The following YAE1 variants were observed in gnomAD, a reference collection of about 807,000 sequenced individuals.
The protein encoded by YAE1 is protein YAE1 homolog.
YAE1 carries 22 observed loss-of-function variants against 23.0 expected under a neutral mutation model. The ratio of observed to expected loss-of-function variants is 0.96; its 90% CI spans 0.68 to 1.37. The LOEUF is 1.37. Ranked by LOEUF, YAE1 falls within the 40% of genes most tolerant of loss-of-function variation. The pLI, the probability that YAE1 is intolerant of heterozygous loss-of-function variation, is 0.00. For missense variants in YAE1, 260 were observed against 262.1 expected, an observed-to-expected ratio of 0.99 and a Z score of 0.06; for synonymous variants, 101 against 97.0, an observed-to-expected ratio of 1.04 and a Z score of -0.24.
At chr7:39,595,375 T>C (rs761062812) in intron 2 of YAE1, among the ~76,000 whole-genome samples, 18 of 152,028 alleles carry the variant, frequency 1.2e-4, no homozygotes, top group Non-Finnish European at 2.2e-4. Flanking sequence ...TGAGTTCACA[T>C]CCAGTGTCAT....
chr7:39,570,806 C>T (rs1790553060), intron 2 of YAE1, 179 bp downstream of exon 2: 2 of 689,854 alleles, frequency 2.9e-6, no homozygotes, highest in Non-Finnish European at 4.5e-6. Flanking sequence ...AGCTCATCTA[C>T]TTTAATGTGT....
intron 1 of YAE1, 85 bp downstream of exon 1, chr7:39,566,632 G>T: frequency 6.4e-7 from 1 of 1,559,036 alleles, no homozygotes; most frequent in Non-Finnish European, 8.7e-7. Flanking sequence ...AGTGGCCCCA[G>T]CCTGGCCCGG....
chr7:39,599,772 C>T (rs149628043), intron 2 of YAE1, among the ~76,000 whole-genome samples: 2,798 of 151,696 alleles, frequency 0.018, 103 homozygotes, highest in African/African-American at 0.062. Flanking sequence ...CTCCCTCTGT[C>T]GTCCAGGCTG....
intron 2 of YAE1, among the ~76,000 whole-genome samples, chr7:39,606,853 A>T (rs988975855): frequency 6.6e-6 from 1 of 152,234 alleles, no homozygotes; most frequent in Non-Finnish European, 1.5e-5. Context: ...ATTGAGCTTT[A>T]AAAATATATA....
downstream of YAE1, among the ~76,000 whole-genome samples, chr7:39,577,175 C>T (rs1790667247): frequency 6.6e-6 from 1 of 152,212 alleles, no homozygotes; most frequent in Admixed American, 6.5e-5. Flanking sequence ...GGATTACAGA[C>T]GTGAGCCACC....
At chr7:39,566,774 A>G in intron 1 of YAE1, 1 of 498,268 alleles carries the variant, frequency 2.0e-6, no homozygotes, top group Non-Finnish European at 3.5e-6. Flanking sequence ...GAAACTGAGG[A>G]CCGACCAAAA....
downstream of YAE1, among the ~76,000 whole-genome samples, chr7:39,575,577 A>AGAGAGAGAGAGAGAGAGAGTGTGTGT (rs1173016799): frequency 7.5e-5 from 6 of 80,272 alleles, no homozygotes; most frequent in East Asian, 9.3e-4. Context: ...AGAGAGAGAG[A>AGAGAGAGAGAGAGAGAGAGTGTGTGT]GTGAGTGTGT....
chr7:39,584,001 GT>G (rs1790779968), intron 2 of YAE1, among the ~76,000 whole-genome samples: 1 of 152,106 alleles, frequency 6.6e-6, no homozygotes, highest in African/African-American at 2.4e-5. Context: ...TGAATAAATT[GT>G]AAGAATTTGA....
At chr7:39,601,383 C>G (rs1414559378) in intron 2 of YAE1, among the ~76,000 whole-genome samples, 8 of 152,166 alleles carry the variant, frequency 5.3e-5, no homozygotes, top group African/African-American at 1.7e-4. Flanking sequence ...GTTTACAGGG[C>G]AGCTAACACA....
intron 2 of YAE1, among the ~76,000 whole-genome samples, chr7:39,588,320 T>C (rs763962482): frequency 6.6e-6 from 1 of 152,144 alleles, no homozygotes; most frequent in African/African-American, 2.4e-5. Flanking sequence ...AAGAACAGCC[T>C]GGCCAACATG....
chr7:39,569,617 GTA>G, intron 1 of YAE1: 1 of 618,426 alleles, frequency 1.6e-6, no homozygotes, highest in South Asian at 1.4e-5. Flanking sequence ...CAGAGTCCTA[GTA>G]ACAGTCCAGA....
At chr7:39,594,574 A>G (rs1583680694) in intron 2 of YAE1, among the ~76,000 whole-genome samples, 1 of 151,768 alleles carries the variant, frequency 6.6e-6, no homozygotes, top group East Asian at 1.9e-4. Flanking sequence ...GGTCTGATAC[A>G]TGCTACTCTC....
chr7:39,592,449 T>C (rs1790914335), intron 2 of YAE1, among the ~76,000 whole-genome samples: 1 of 152,190 alleles, frequency 6.6e-6, no homozygotes, highest in Admixed American at 6.5e-5. Context: ...CAACTTACCA[T>C]GGCGTTATAA....
At chr7:39,585,074 A>C (rs1380419795) in intron 2 of YAE1, among the ~76,000 whole-genome samples, 1 of 152,140 alleles carries the variant, frequency 6.6e-6, no homozygotes, top group Non-Finnish European at 1.5e-5. Context: ...GCAATTTCTT[A>C]TGTGGAGATT....
At chr7:39,600,182 A>T (rs1277449254) in intron 2 of YAE1, among the ~76,000 whole-genome samples, 2 of 152,180 alleles carry the variant, frequency 1.3e-5, no homozygotes, top group Non-Finnish European at 2.9e-5. Context: ...AAATAGAAGA[A>T]CCACTAATAT....
intron 1 of YAE1, among the ~76,000 whole-genome samples, chr7:39,568,363 T>C (rs1252285072): frequency 6.6e-6 from 1 of 152,044 alleles, no homozygotes; most frequent in Non-Finnish European, 1.5e-5. Context: ...TTAAAACATA[T>C]ACAAGAAGAT....
In YAE1 at chr7:39,598,337, C is replaced by T. The variant is rs557711020; in HGVS notation, c.252-11280C>T. 2.1e-4 allele frequency among the ~76,000 whole-genome samples: 32 copies of T among 151,420 alleles called. No homozygotes were observed. In the East Asian group the frequency reaches 4.9e-3, roughly 23 times the overall value. ...GTTGGCCAGGCTGGTCTCAAACTCC[C>T]GACCTCAAGTGATCCACCTGCCTCG... On this transcript the variant is annotated intron_variant, in intron 2 of 2. Coordinates refer to the YAE1 transcript ENST00000432096.
chr7:39,576,199 C>A (rs543886888), downstream of YAE1, among the ~76,000 whole-genome samples: 1 of 152,204 alleles, frequency 6.6e-6, no homozygotes, highest in African/African-American at 2.4e-5. Context: ...TTGAGTCTGG[C>A]CTCCTTTCAT....
At chr7:39,610,092 C>G in exon 3 of YAE1, 1 of 1,290,472 alleles carries the variant, frequency 7.7e-7, no homozygotes, top group Non-Finnish European at 1.0e-6. Context: ...GATGGACCAG[C>G]CCACCTTGGC....
Sources: allele counts gnomAD v4.1 joint callset (sites outside exome capture counted in the v4.1 genomes callset), GRCh38; gene constraint gnomAD v4.1.1; transcripts MANE v1.5; gene names NCBI Gene and HGNC (gene_info 2026-07-23, HGNC 2026-07-21).